Variants in BMPER observed in about 807,000 individuals in gnomAD.
BMPER encodes the protein BMP binding endothelial regulator, also known as BMP-binding endothelial regulator protein.
BMPER carries 45 observed loss-of-function variants against 87.3 expected under a neutral mutation model. The observed-to-expected ratio is 0.52, with a 90% CI of 0.41 to 0.66. The LOEUF (loss-of-function observed/expected upper bound fraction) is 0.66, where lower values mean the gene tolerates loss of function less well. BMPER is among the 30% of genes least tolerant of loss of function. The pLI is 0.00. For missense variants in BMPER, 784 were observed against 867.5 expected (o/e 0.90, Z 1.21); for synonymous variants, 326 against 316.2 (o/e 1.03, Z -0.33).
At chr7:34,119,351 G>A (rs985672244) in intron 13 of BMPER, among the ~76,000 whole-genome samples, 2 of 152,104 alleles carry the variant, frequency 1.3e-5, no homozygotes, top group Admixed American at 6.5e-5. Context: ...TGAAATCATG[G>A]TACACATGTT....
At chr7:34,134,101 G>A (rs1457513146) in intron 13 of BMPER, among the ~76,000 whole-genome samples, 1 of 152,174 alleles carries the variant, frequency 6.6e-6, no homozygotes, top group Non-Finnish European at 1.5e-5. Flanking sequence ...CTTTCCAGAA[G>A]CCTGCCTCAG....
At chr7:34,112,562 G>T (rs911509867) in intron 13 of BMPER, among the ~76,000 whole-genome samples, 4 of 145,512 alleles carry the variant, frequency 2.7e-5, no homozygotes, top group African/African-American at 5.0e-5. Context: ...CAGAGAACTG[G>T]TTTTTTCATT....
chr7:34,064,151 C>T (rs1035641527), intron 11 of BMPER, among the ~76,000 whole-genome samples: 4 of 152,088 alleles, frequency 2.6e-5, no homozygotes, highest in African/African-American at 7.2e-5. Context: ...ATTAGCTGGG[C>T]GTGGTGGTGT....
At chr7:33,919,796 G>A (rs1022615525) in intron 2 of BMPER, among the ~76,000 whole-genome samples, 1 of 152,198 alleles carries the variant, frequency 6.6e-6, no homozygotes, top group Non-Finnish European at 1.5e-5. Context: ...TTGCTTTAAA[G>A]TTCTTTGAAA....
chr7:33,992,035 C>A (rs1307994149), intron 6 of BMPER, among the ~76,000 whole-genome samples: 12 of 151,358 alleles, frequency 7.9e-5, no homozygotes, highest in East Asian at 1.9e-4. Context: ...CTTTACTTCC[C>A]AGTATGTGGT....
intron 6 of BMPER, among the ~76,000 whole-genome samples, chr7:34,004,135 T>C (rs1786662919): frequency 6.6e-6 from 1 of 152,126 alleles, no homozygotes; most frequent in African/African-American, 2.4e-5. Context: ...AAATGTTTTG[T>C]CCTCAAATTC....
intron 11 of BMPER, among the ~76,000 whole-genome samples, chr7:34,077,332 A>G (rs1788891127): frequency 6.6e-6 from 1 of 152,188 alleles, no homozygotes; most frequent in South Asian, 2.1e-4. Flanking sequence ...ATGTGAAGCA[A>G]CACACCGTGT....
At chr7:34,076,415 T>TATGTTTTGGCGGGGGTTGTGC (rs1788866780) in intron 11 of BMPER, among the ~76,000 whole-genome samples, 1 of 152,200 alleles carries the variant, frequency 6.6e-6, no homozygotes, top group Non-Finnish European at 1.5e-5. Context: ...TTGGGGTGTG[T>TATGTTTTGGCGGGGGTTGTGC]ATGTTTTGGC....
In BMPER at chr7:33,913,960, A is replaced by AT. The variant is rs59183615; in HGVS notation, c.219+7076dup. ...GTAATGTATGCTCAGTTTTAGCACA[A>AT]TTTTTTTTTTTTTTTTTTTGAGATG... On this transcript the variant is annotated intron_variant, in intron 2 of 14. Coordinates refer to ENST00000649409, the MANE Select transcript of BMPER (RefSeq NM_001365308.1). Among the ~76,000 whole-genome samples the AT allele has an allele frequency of 7.8e-3, 1,045 of 134,266 alleles. 4 individuals are homozygous for AT. Among genetic ancestry groups the AT allele is most frequent in the African/African-American group, 0.018 (641 of 35,322 alleles). 88.1% of individuals were successfully genotyped at this position (134,266 alleles called of 152,430 possible). A position where few individuals can be genotyped will look rare whatever the true frequency, so the allele number is the denominator to read the frequency against.
chr7:34,137,184 C>G (rs1319207869), intron 13 of BMPER, among the ~76,000 whole-genome samples: 1 of 152,042 alleles, frequency 6.6e-6, no homozygotes, highest in Admixed American at 6.5e-5. Flanking sequence ...TTTTTTCCAC[C>G]AGTCATTAAA....
At chr7:34,024,147 C>G (rs899560145) in intron 6 of BMPER, among the ~76,000 whole-genome samples, 2 of 149,972 alleles carry the variant, frequency 1.3e-5, no homozygotes, top group Non-Finnish European at 3.0e-5. Flanking sequence ...CAGTTGAGGT[C>G]AGGAGTTCAA....
chr7:34,120,981 A>G (rs955708157), intron 13 of BMPER, among the ~76,000 whole-genome samples: 4 of 151,740 alleles, frequency 2.6e-5, no homozygotes, highest in African/African-American at 9.7e-5. Flanking sequence ...ATTTAATGTT[A>G]TATTAACAAT....
chr7:34,154,098 A>T lies in BMPER; in HGVS notation c.*825A>T, dbSNP rs1419909638. On this transcript the variant is annotated 3_prime_UTR_variant, in exon 15 of 15. Transcript: ENST00000649409. ...TGAAGAAACTGTTGCACAACATATG[A>T]TGAAATTTTGATTTCTCTGAATCTC... The T allele has an allele frequency of 6.6e-6, 1 of 152,654 alleles. No individual in the cohort carries two copies. Among genetic ancestry groups the T allele is most frequent in the Non-Finnish European group, 1.5e-5 (1 of 68,050 alleles). The allele number at this position is 152,654 out of a possible 1,614,324, so 9.5% of individuals were successfully genotyped here.
chr7:34,086,012 G>A lies in BMPER; in HGVS notation c.1665G>A (p.Arg555=), dbSNP rs763105833. ...AAGGGACAGTCAAGGTAAAGCTCCGGGCCCATCGAGAATGCCAAAAGCTCA... is the reference window on the plus strand; with the variant it reads ...AAGGGACAGTCAAGGTAAAGCTCCGAGCCCATCGAGAATGCCAAAAGCTCA... ...LCQGTVKVKL[R]AHRECQKLKS... is the part of the protein sequence containing the mutation. The change falls in exon 13 of 15, where the codon CGG becomes CGA. Residue 555 remains arginine, a synonymous_variant. Coordinates refer to ENST00000649409, the MANE Select transcript of BMPER (RefSeq NM_001365308.1). 2.5e-6 allele frequency: 4 copies of A among 1,613,838 alleles called. No individual in the cohort carries two copies. The Admixed American group carries it at 5.0e-5, about 20-fold the overall frequency.
chr7:34,026,518 G>T (rs141242268), intron 6 of BMPER, among the ~76,000 whole-genome samples: 159 of 152,148 alleles, frequency 1.0e-3, no homozygotes, highest in African/African-American at 3.6e-3. Context: ...TTTAGTTCCT[G>T]GGTTACTTAA....
intron 6 of BMPER, among the ~76,000 whole-genome samples, chr7:33,987,566 C>T (rs1265200903): frequency 6.6e-6 from 1 of 152,178 alleles, no homozygotes; most frequent in African/African-American, 2.4e-5. Context: ...TTGGAGAGGA[C>T]ACGGCCTCCT....
intron 13 of BMPER, among the ~76,000 whole-genome samples, chr7:34,125,219 TG>T (rs1034376334): frequency 6.6e-6 from 1 of 152,170 alleles, no homozygotes; most frequent in African/African-American, 2.4e-5. Flanking sequence ...AATTCTCTAG[TG>T]GGTAATGCCA....
intron 6 of BMPER, among the ~76,000 whole-genome samples, chr7:34,030,429 A>G (rs1033936080): frequency 1.3e-5 from 2 of 152,124 alleles, no homozygotes; most frequent in African/African-American, 4.8e-5. Context: ...TATTTCCCCA[A>G]TGGAATATCC....
intron 11 of BMPER, among the ~76,000 whole-genome samples, chr7:34,062,838 T>A (rs773467580): frequency 1.3e-5 from 2 of 152,230 alleles, no homozygotes; most frequent in Non-Finnish European, 2.9e-5. Context: ...ATTATATTCC[T>A]ATGGGACCAC....
Sources: allele counts gnomAD v4.1 joint callset (sites outside exome capture counted in the v4.1 genomes callset), GRCh38; gene constraint gnomAD v4.1.1; transcripts MANE v1.5; gene names NCBI Gene and HGNC (gene_info 2026-07-23, HGNC 2026-07-21).